MTAP: variants seen among roughly 807,000 people sequenced by gnomAD.
MTAP encodes the protein S-methyl-5'-thioadenosine phosphorylase.
MTAP carries 33 observed loss-of-function variants against 33.6 expected under a neutral mutation model. The ratio of observed to expected loss-of-function variants is 0.98; its 90% CI spans 0.74 to 1.31. The LOEUF (loss-of-function observed/expected upper bound fraction) is 1.31. Ranked by LOEUF, MTAP falls within the 40% of genes most tolerant of loss-of-function variation. The pLI is 0.00. For missense variants in MTAP, 367 were observed against 360.0 expected, an observed-to-expected ratio of 1.02 and a Z score of -0.16; for synonymous variants, 148 against 125.7, an observed-to-expected ratio of 1.18 and a Z score of -1.19.
chr9:21,855,310 C>T (rs1825614354), intron 6 of MTAP, among the ~76,000 whole-genome samples: 1 of 152,118 alleles, frequency 6.6e-6, no homozygotes, highest in Non-Finnish European at 1.5e-5. Flanking sequence ...AATGTGACAA[C>T]AAACAGAGAA....
At chr9:21,826,674 G>T (rs1824816681) in intron 4 of MTAP, among the ~76,000 whole-genome samples, 1 of 149,996 alleles carries the variant, frequency 6.7e-6, no homozygotes, top group South Asian at 2.1e-4. Flanking sequence ...AATATATATT[G>T]TTCCTTTACC....
In MTAP at chr9:21,887,927, G is replaced by C. The variant is rs889883520; in HGVS notation, c.147+33057G>C. On this transcript the variant is annotated intron_variant, in intron 1 of 1. Transcript: ENST00000577563. The stretch of plus-strand genomic sequence containing the variant: ...GTTTGAGTTCTTGATTTGATTCTCA[G>C]TTTGGTCACTGTTGGGATATAGCAG... 1.1e-4 allele frequency among the ~76,000 whole-genome samples: 16 copies of C among 152,150 alleles called. 1 individual carries two copies. Among genetic ancestry groups the C allele is most frequent in the African/African-American group, 3.9e-4 (16 of 41,432 alleles).
chr9:21,895,751 G>C (rs1003011676), intron 1 of MTAP, among the ~76,000 whole-genome samples: 4 of 152,222 alleles, frequency 2.6e-5, no homozygotes, highest in South Asian at 4.1e-4. Context: ...AGGCGGCAGC[G>C]AGGCTGGGGG....
intron 1 of MTAP, among the ~76,000 whole-genome samples, chr9:21,884,162 T>C (rs1818068077): frequency 6.6e-6 from 1 of 152,186 alleles, no homozygotes; most frequent in Non-Finnish European, 1.5e-5. Flanking sequence ...TTGTAGACCA[T>C]ATATTGCAGG....
In MTAP at chr9:21,856,241, A is replaced by G. The variant is rs557239830; in HGVS notation, c.690+1371A>G. The G allele has an allele frequency of 1.2e-4, 108 of 908,852 alleles. No individual in the cohort carries two copies. In the Middle Eastern group the frequency reaches 2.2e-3, roughly 19 times the overall value. The allele number at this position is 908,852 out of a possible 1,614,324, so 56.3% of individuals were successfully genotyped here. ...CATTTAGGGTAAGTGACATCTCCAA[A>G]GAGGCCTAATATTGTACCACCGTTT... On this transcript the variant is annotated intron_variant, in intron 6 of 7. Transcript: ENST00000644715.
intron 1 of MTAP, among the ~76,000 whole-genome samples, chr9:21,912,907 G>A (rs199535462): frequency 6.6e-5 from 10 of 152,214 alleles, no homozygotes; most frequent in Admixed American, 3.9e-4. Context: ...CCAAAATCTC[G>A]TTAAGCTGAT....
intron 4 of MTAP, among the ~76,000 whole-genome samples, chr9:21,828,991 G>A (rs1266820745): frequency 6.6e-6 from 1 of 152,148 alleles, no homozygotes; most frequent in Non-Finnish European, 1.5e-5. Context: ...AGCAGAAGAT[G>A]CCTTGCATAT....
intron 1 of MTAP, among the ~76,000 whole-genome samples, chr9:21,877,109 C>A (rs1430793211): frequency 6.6e-6 from 1 of 151,906 alleles, no homozygotes; most frequent in African/African-American, 2.4e-5. Context: ...GTATTTTATT[C>A]TTCTTGTGGC....
chr9:21,906,725 TAAAGATAAAATG>T (rs1233742195), intron 1 of MTAP, among the ~76,000 whole-genome samples: 1 of 152,114 alleles, frequency 6.6e-6, no homozygotes, highest in Non-Finnish European at 1.5e-5. Context: ...TAAAAGCAAC[TAAAGATAAAATG>T]ATAATGATTA....
chr9:21,890,126 G>A (rs973458447), intron 1 of MTAP, among the ~76,000 whole-genome samples: 4 of 152,056 alleles, frequency 2.6e-5, no homozygotes, highest in South Asian at 2.1e-4. Context: ...TGTGGCTGCT[G>A]TGGGGGATGG....
chr9:21,809,765 C>T (rs966626619), intron 1 of MTAP, among the ~76,000 whole-genome samples: 1 of 152,168 alleles, frequency 6.6e-6, no homozygotes, highest in East Asian at 1.9e-4. Context: ...AATCAGAATC[C>T]CTGAGGCCTG....
chr9:21,930,042 G>A, intron 1 of MTAP: 1 of 416,500 alleles, frequency 2.4e-6, no homozygotes, highest in South Asian at 2.1e-5. Context: ...TGCCAGCAAT[G>A]CCCAAGCTCA....
intron 1 of MTAP, among the ~76,000 whole-genome samples, chr9:21,891,746 C>T (rs1444587108): frequency 2.0e-5 from 3 of 152,010 alleles, no homozygotes; most frequent in African/African-American, 4.8e-5. Context: ...GCTAGAGAGG[C>T]GAATATTCAA....
intron 1 of MTAP, among the ~76,000 whole-genome samples, chr9:21,899,679 T>C (rs184215608): frequency 6.6e-6 from 1 of 152,092 alleles, no homozygotes; most frequent in Non-Finnish European, 1.5e-5. Context: ...ACTCACTCAT[T>C]GTCATGAGAA....
chr9:21,834,958 C>G (rs564033216), intron 4 of MTAP, among the ~76,000 whole-genome samples: 1 of 152,182 alleles, frequency 6.6e-6, no homozygotes, highest in East Asian at 1.9e-4. Context: ...ATATGTGTGT[C>G]TTAGTCTGTT....
At chr9:21,869,906 T>C (rs1337245541), downstream of MTAP, among the ~76,000 whole-genome samples, 1 of 152,214 alleles carries the variant, frequency 6.6e-6, no homozygotes, top group East Asian at 1.9e-4. Flanking sequence ...CCCACATTTA[T>C]GATAGCCTAT....
intron 5 of MTAP, among the ~76,000 whole-genome samples, chr9:21,844,423 T>TA (rs976306966): frequency 2.0e-5 from 3 of 151,656 alleles, no homozygotes; most frequent in African/African-American, 4.8e-5. Context: ...AAGAACATAA[T>TA]AAAAAAAGAC....
intron 1 of MTAP, among the ~76,000 whole-genome samples, chr9:21,917,514 G>T (rs1818710157): frequency 6.6e-6 from 1 of 152,154 alleles, no homozygotes; most frequent in Non-Finnish European, 1.5e-5. Context: ...CTAATCATCA[G>T]GGAAATGCAA....
At chr9:21,831,534 C>T (rs1824966940) in intron 4 of MTAP, among the ~76,000 whole-genome samples, 1 of 151,860 alleles carries the variant, frequency 6.6e-6, no homozygotes, top group Non-Finnish European at 1.5e-5. Flanking sequence ...ACTATGTTGC[C>T]CAGGCTGGTT....
Sources: gnomAD v4.1 joint callset for allele counts (sites outside exome capture counted in the v4.1 genomes callset) on GRCh38, gnomAD v4.1.1 for gene constraint, MANE v1.5 for transcripts, NCBI Gene and HGNC (gene_info 2026-07-23, HGNC 2026-07-21) for gene names.